Variants in ABHD6 observed in about 807,000 individuals in gnomAD.
ABHD6 encodes the protein monoacylglycerol lipase ABHD6.
A neutral mutation model predicts 38.8 loss-of-function variants in ABHD6; 33 were observed. The ratio of observed to expected loss-of-function variants is 0.85; its 90% confidence interval spans 0.64 to 1.14. The LOEUF (loss-of-function observed/expected upper bound fraction) is 1.14. Among genes scored for constraint, ABHD6 ranks in the 50% most tolerant of loss-of-function variants. The pLI is 0.00. For synonymous variants in ABHD6, 147 were observed against 161.6 expected, an observed-to-expected ratio of 0.91 and a Z score of 0.69; for missense variants, 380 against 422.6, an observed-to-expected ratio of 0.90 and a Z score of 0.88.
intron 1 of ABHD6, among the ~76,000 whole-genome samples, chr3:58,241,772 A>T (rs558458340): frequency 4.7e-4 from 72 of 152,310 alleles, no homozygotes; most frequent in African/African-American, 1.7e-3. Context: ...AGGGCTGCCT[A>T]ACTCTGCCTG....
At chr3:58,290,306 C>A (rs1323078365) in intron 9 of ABHD6, among the ~76,000 whole-genome samples, 4 of 141,190 alleles carry the variant, frequency 2.8e-5, no homozygotes, top group Non-Finnish European at 3.1e-5. Flanking sequence ...TGACCCCCCC[C>A]ACCTCCCTCC....
chr3:58,271,521 C>T (rs991176926), intron 6 of ABHD6, among the ~76,000 whole-genome samples: 2 of 152,052 alleles, frequency 1.3e-5, no homozygotes, highest in Admixed American at 1.3e-4. Context: ...TTATGCCCCT[C>T]TCCTTTTTTG....
intron 1 of ABHD6, among the ~76,000 whole-genome samples, chr3:58,246,213 T>G (rs562313463): frequency 6.6e-6 from 1 of 152,222 alleles, no homozygotes; most frequent in Non-Finnish European, 1.5e-5. Flanking sequence ...AGCAGGAGAC[T>G]GGCTTGTATT....
At position 58,242,085 on chromosome 3, in the gene ABHD6, C is replaced by T. The variant is rs190412698; in HGVS notation, c.-91+4169C>T. Among the ~76,000 whole-genome samples the T allele has an allele frequency of 3.2e-3, 491 of 152,040 alleles. 11 individuals carry two copies. Among genetic ancestry groups the T allele is most frequent in the Admixed American group, 0.025 (388 of 15,266 alleles). On this transcript the variant is annotated intron_variant, in intron 1 of 9. Coordinates refer to ENST00000478253, the MANE Select transcript of ABHD6 (RefSeq NM_001320126.2). Reference sequence around the variant, plus strand: ...TTAGGATGGGCTGGAGCTCGCCAGGCGAGAGGGAGAATAGGCGTGCCGGGG... The same window carrying T: ...TTAGGATGGGCTGGAGCTCGCCAGGTGAGAGGGAGAATAGGCGTGCCGGGG...
In ABHD6 at chr3:58,265,643, T is replaced by G. The variant is rs1022950201; in HGVS notation, c.120-1546T>G. On this transcript the variant is annotated intron_variant, in intron 3 of 9. Coordinates refer to ENST00000478253, the MANE Select transcript of ABHD6 (RefSeq NM_001320126.2). This position sits in a 1 kb window ranked among gnomAD's most constrained non-coding sequence, Gnocchi z 4.2. ...TATATAGTTAGTGTCTTATTCCATT[T>G]TGTGTTGCTACAGCAGAATGCCACA... Among the ~76,000 whole-genome samples the G allele has an allele frequency of 6.6e-6, 1 of 152,256 alleles. No individual in the cohort carries two copies. The highest frequency in any genetic ancestry group is 1.5e-5 in the Non-Finnish European group (1 of 68,046).
At chr3:58,292,994 A>G (rs1378869351) in intron 9 of ABHD6, among the ~76,000 whole-genome samples, 2 of 152,120 alleles carry the variant, frequency 1.3e-5, no homozygotes, top group Admixed American at 6.5e-5. Context: ...GGCTGCCCTA[A>G]CCAGCCACAG....
chr3:58,271,740 TCTCTC>T (rs965649101), intron 6 of ABHD6, among the ~76,000 whole-genome samples: 10 of 148,990 alleles, frequency 6.7e-5, no homozygotes, highest in African/African-American at 2.0e-4. Flanking sequence ...TCATATTTTT[TCTCTC>T]CTCTATCTCC....
At chr3:58,247,627 A>T (rs1469185669) in intron 1 of ABHD6, among the ~76,000 whole-genome samples, 1 of 152,104 alleles carries the variant, frequency 6.6e-6, no homozygotes, top group East Asian at 1.9e-4. Context: ...CCCAGGCTGG[A>T]GTACAATGGC....
At position 58,238,131 on chromosome 3, in the gene ABHD6, C is replaced by T. The variant is rs577024256; in HGVS notation, c.-91+215C>T. The T allele has an allele frequency of 6.6e-6, 1 of 152,568 alleles. No individual in the cohort carries two copies. Among genetic ancestry groups the T allele is most frequent in the African/African-American group, 2.4e-5 (1 of 41,562 alleles). 9.5% of individuals were successfully genotyped at this position (152,568 alleles called of 1,614,324 possible). ...TTTGAGATGCCCGAAACCCGGCGCCCCATTTCCTGGGTCCAGCCAGCCTCT... is the reference window on the plus strand; with the variant it reads ...TTTGAGATGCCCGAAACCCGGCGCCTCATTTCCTGGGTCCAGCCAGCCTCT... On this transcript the variant is annotated intron_variant, in intron 1 of 9. Coordinates refer to ENST00000478253, the MANE Select transcript of ABHD6 (RefSeq NM_001320126.2). The surrounding 1 kb of genome is among the most constrained non-coding windows in gnomAD (Gnocchi z 6.9).
At position 58,256,812 on chromosome 3, in the gene ABHD6, A is replaced by G. The variant is rs2097433707; in HGVS notation, c.119+107A>G. 1 of 955,600 alleles carries G rather than the reference A, an allele frequency of 1.0e-6. No homozygotes were observed. The highest frequency in any genetic ancestry group is 1.6e-5 in the African/African-American group (1 of 60,678). 59.2% of individuals were successfully genotyped at this position (955,600 alleles called of 1,614,324 possible). A position where few individuals can be genotyped will look rare whatever the true frequency, so the allele number is the denominator to read the frequency against. ...CCAACATTTTATCAGGAAGTATTTCAGACAGAGAGAAAAGTTGAAAGGTAC... is the reference window on the plus strand; with the variant it reads ...CCAACATTTTATCAGGAAGTATTTCGGACAGAGAGAAAAGTTGAAAGGTAC... On this transcript the variant is annotated intron_variant, in intron 3 of 9. Coordinates refer to ENST00000478253, the MANE Select transcript of ABHD6 (RefSeq NM_001320126.2). The surrounding 1 kb of genome is among the most constrained non-coding windows in gnomAD (Gnocchi z 4.3).
At chr3:58,290,475 C>A (rs1463080619) in intron 9 of ABHD6, among the ~76,000 whole-genome samples, 2 of 118,864 alleles carry the variant, frequency 1.7e-5, no homozygotes, top group African/African-American at 3.3e-5. Context: ...GGGGGCTGAC[C>A]CCCCCACCTC....
In ABHD6 at chr3:58,241,104, G is replaced by T. The variant is rs142002913; in HGVS notation, c.-91+3188G>T. Among the ~76,000 whole-genome samples the T allele has an allele frequency of 3.6e-4, 55 of 152,240 alleles. 1 individual carries two copies. The highest frequency in any genetic ancestry group is 1.3e-3 in the African/African-American group (52 of 41,526). ...TGTAGGTAACATCAAGTGGGTAGAG[G>T]CCAGGGATGCTGCTAAACGTCCTAC... On this transcript the variant is annotated intron_variant, in intron 1 of 9. Transcript: ENST00000478253.
rs570677181 is a variant in ABHD6 at position 58,259,863 on chromosome 3, T to A, written c.119+3158T>A. Among the ~76,000 whole-genome samples, 1 of 152,354 alleles carries A rather than the reference T, an allele frequency of 6.6e-6. No homozygotes were observed. The highest frequency in any genetic ancestry group is 2.4e-5 in the African/African-American group (1 of 41,590). On this transcript the variant is annotated intron_variant, in intron 3 of 9. Coordinates refer to ENST00000478253, the MANE Select transcript of ABHD6 (RefSeq NM_001320126.2). The surrounding 1 kb of genome is among the most constrained non-coding windows in gnomAD (Gnocchi z 4.7). The stretch of plus-strand genomic sequence containing the variant: ...ATCCCAGTTTCTCCCTCACTTCATC[T>A]TCTGGCAACCACTCATCTACTTCCT...
intron 7 of ABHD6, among the ~76,000 whole-genome samples, chr3:58,275,862 T>C (rs2097448356): frequency 1.3e-5 from 2 of 152,042 alleles, no homozygotes; most frequent in Admixed American, 6.6e-5. Context: ...TGAGAACATG[T>C]GGTGTTTGGT....
chr3:58,240,189 C>A (rs1312249759), intron 1 of ABHD6, among the ~76,000 whole-genome samples: 3 of 151,908 alleles, frequency 2.0e-5, no homozygotes, highest in African/African-American at 7.3e-5. Flanking sequence ...GAGTGTTTAT[C>A]CTAGTAGGCT....
chr3:58,242,896 G>A (rs747453258), intron 1 of ABHD6, among the ~76,000 whole-genome samples: 8 of 151,758 alleles, frequency 5.3e-5, no homozygotes, highest in Admixed American at 2.0e-4. Flanking sequence ...GACAGGCCCC[G>A]GTGTGTAATG....
intron 1 of ABHD6, among the ~76,000 whole-genome samples, chr3:58,248,952 T>C (rs1004075695): frequency 1.3e-5 from 2 of 152,254 alleles, no homozygotes; most frequent in African/African-American, 2.4e-5. Flanking sequence ...ATAAATGAGA[T>C]TGAGCATCTT....
chr3:58,274,694 G>A lies in ABHD6; in HGVS notation c.560G>A (p.Arg187Gln), dbSNP rs1178904891. 5 of 1,614,062 alleles carry A rather than the reference G, an allele frequency of 3.1e-6. No individual in the cohort carries two copies. Among genetic ancestry groups the A allele is most frequent in the Admixed American group, 1.7e-5 (1 of 60,002 alleles). Residue 187 changes from arginine to glutamine, a missense_variant, in exon 7 of 10, where the codon CGG becomes CAG. Physicochemically the swap from Arg to Gln is conservative, Grantham distance 43. Coordinates refer to ENST00000478253, the MANE Select transcript of ABHD6 (RefSeq NM_001320126.2). Reference protein sequence around the residue: ...QYSTDNQFVQRLKELQGSAAV... With the variant: ...QYSTDNQFVQQLKELQGSAAV... ...TCAACTGACAATCAATTTGTACAAC[G>A]GCTCAAAGAACTGCAGGGCTCTGCC...
intron 9 of ABHD6, among the ~76,000 whole-genome samples, chr3:58,286,828 G>A (rs9828247): frequency 0.4 from 28,912 of 72,532 alleles, 6,032 homozygotes; most frequent in East Asian, 0.7. Context: ...ATATATGTGT[G>A]TGTGTGTGTG....
Sources: gnomAD v4.1 joint callset for allele counts (sites outside exome capture counted in the v4.1 genomes callset) on GRCh38, gnomAD v4.1.1 for gene constraint, Gnocchi (gnomAD v3.1) non-coding constraint, MANE v1.5 for transcripts, NCBI Gene and HGNC (gene_info 2026-07-23, HGNC 2026-07-21) for gene names.